FBXL15: variants seen among roughly 807,000 people sequenced by gnomAD.
FBXL15 encodes the protein F-box/LRR-repeat protein 15.
Under a neutral mutation model 23.6 loss-of-function variants are expected in FBXL15, and 19 were observed. The observed-to-expected ratio is 0.81, with a 90% CI of 0.56 to 1.18. The LOEUF (loss-of-function observed/expected upper bound fraction) is 1.18. Among genes scored for constraint, FBXL15 ranks in the 50% most tolerant of loss-of-function variants. The pLI is 0.00. For synonymous variants in FBXL15, 224 were observed against 207.7 expected (o/e 1.08, Z -0.67); for missense variants, 385 against 425.4 (o/e 0.91, Z 0.83).
chr10:102,421,831 G>A lies in FBXL15; in HGVS notation c.252G>A (p.Arg84=). 1 of 1,581,102 alleles carries A rather than the reference G, an allele frequency of 6.3e-7. No individual in the cohort carries two copies. The highest frequency in any genetic ancestry group is 1.3e-5 in the African/African-American group (1 of 74,878). ...IPRAALARLL[R]DAEGLQELAL... ...GGGCCGCATTGGCCCGGCTGCTGCGGGATGCCGAGGGGCTGCAGGAGCTGG... is the reference window on the plus strand; with the variant it reads ...GGGCCGCATTGGCCCGGCTGCTGCGAGATGCCGAGGGGCTGCAGGAGCTGG... The change falls in exon 3 of 4, where the codon CGG becomes CGA. Residue 84 remains arginine (R), a synonymous_variant. Transcript: ENST00000369956.
Position 102,421,436 on chromosome 10 carries a change from C to T in FBXL15, c.136C>T (p.Arg46Cys). ...VPLRQLLRLQ[R>C]VSRAFRSLVQ... The stretch of plus-strand genomic sequence containing the variant: ...GCTGCGCCAGCTGCTCCGGCTGCAG[C>T]GCGTTAGCCGGGCCTTCCGGTCGCT... Residue 46 changes from arginine to cysteine, a missense_variant, in exon 2 of 4, where the codon CGC (arginine) becomes TGC (cysteine). Physicochemically the swap from Arg to Cys is radical, Grantham distance 180 (BLOSUM62 -3). This residue lies in a region of FBXL15 where 130 missense variants were observed against 95.1 expected (regional missense o/e 1.37). Transcript: ENST00000369956. 1.9e-6 allele frequency: 3 copies of T among 1,549,788 alleles called. No homozygotes were observed. The highest frequency in any genetic ancestry group is 2.6e-6 in the Non-Finnish European group (3 of 1,150,072).
Position 102,420,949 on chromosome 10 carries a change from A to T in FBXL15, c.-181A>T, listed in dbSNP as rs566242297. ...AGCCGAGAAGGCGAGGCCTAATGTT[A>T]CACCACCGGTCTGTTCCGCCTCCGT... On this transcript the variant is annotated 5_prime_UTR_variant, in exon 1 of 4. Transcript: ENST00000369956. 5 of 1,479,398 alleles carry T rather than the reference A, an allele frequency of 3.4e-6. No individual in the cohort carries two copies. The East Asian group carries it at 1.2e-4, about 37-fold the overall frequency. 91.6% of individuals were successfully genotyped at this position (1,479,398 alleles called of 1,614,324 possible). A position where few individuals can be genotyped will look rare whatever the true frequency, so the allele number is the denominator to read the frequency against.
Position 102,421,041 on chromosome 10 carries a change from T to C in FBXL15, c.-89T>C, listed in dbSNP as rs1438562326. 6.4e-7 allele frequency: 1 copy of C among 1,552,524 alleles called. No individual in the cohort carries two copies. Among genetic ancestry groups the C allele is most frequent in the Admixed American group, 2.0e-5 (1 of 50,808 alleles). The stretch of plus-strand genomic sequence containing the variant: ...GAGACGGCACTCGATTAAATAGGTC[T>C]GTCTCTACAGGCCAAGGAGGCGGGT... On this transcript the variant is annotated 5_prime_UTR_variant, in exon 1 of 4. Transcript: ENST00000369956.
In FBXL15 at chr10:102,421,857, C is replaced by T; in HGVS notation, c.278C>T (p.Ala93Val). 1 of 1,599,004 alleles carries T rather than the reference C, an allele frequency of 6.3e-7. No individual in the cohort carries two copies. Among genetic ancestry groups the T allele is most frequent in the Non-Finnish European group, 8.5e-7 (1 of 1,177,104 alleles). The change falls in exon 3 of 4, where the codon GCA becomes GTA. Residue 93 changes from alanine to valine, a missense_variant. Ala to Val is a moderately conservative substitution (Grantham distance 64). Coordinates refer to ENST00000369956, the MANE Select transcript of FBXL15 (RefSeq NM_024326.4). Reference sequence around the variant, plus strand: ...GATGCCGAGGGGCTGCAGGAGCTGGCACTGGCGCCGTGTCACGAATGGCTG... The same window carrying T: ...GATGCCGAGGGGCTGCAGGAGCTGGTACTGGCGCCGTGTCACGAATGGCTG... ...LRDAEGLQEL[A>V]LAPCHEWLSD...
intron 2 of FBXL15, 125 bp downstream of exon 2, chr10:102,421,632 G>A: frequency 4.2e-6 from 6 of 1,417,580 alleles, no homozygotes; most frequent in Non-Finnish European, 3.7e-6. Context: ...AGGGATCCAC[G>A]CACCAAAGGG....
rs571343954 is a variant in FBXL15 at position 102,421,605 on chromosome 10, C to T, written c.207+98C>T. The T allele has an allele frequency of 3.9e-5, 56 of 1,421,802 alleles. No individual in the cohort carries two copies. In the South Asian group the frequency reaches 7.6e-4, roughly 19 times the overall value. The allele number at this position is 1,421,802 out of a possible 1,614,324, so 88.1% of individuals were successfully genotyped here. A position where few individuals can be genotyped will look rare whatever the true frequency, so the allele number is the denominator to read the frequency against. ...TATGCCCTTCTGGACCCCCTTGGGC[C>T]GCCGGGGCTGCCCGGAAGGGATCCA... is the stretch of plus-strand genomic sequence containing the variant. On this transcript the variant is annotated intron_variant, in intron 2 of 3. Transcript: ENST00000369956.
rs2061569370 is a variant in FBXL15, at chr10:102,421,880, C to T, written c.301C>T (p.Leu101=). 1.9e-6 allele frequency: 3 copies of T among 1,605,294 alleles called. No homozygotes were observed. The African/African-American group carries it at 4.0e-5, about 21-fold the overall frequency. Residue 101 remains leucine, a synonymous_variant, in exon 3 of 4, where the codon CTG becomes TTG. Transcript: ENST00000369956. The part of the protein sequence containing the change: ...ELALAPCHEW[L]SDEDLVPVLA... ...GGCACTGGCGCCGTGTCACGAATGG[C>T]TGTCAGACGAGGACCTGGTGCCGGT...
chr10:102,421,156 AG>A lies in FBXL15; in HGVS notation c.31del (p.Glu11SerfsTer23). On this transcript the variant is annotated frameshift_variant, in exon 1 of 4. Coordinates refer to ENST00000369956, the MANE Select transcript of FBXL15 (RefSeq NM_024326.4). LOFTEE classifies it high-confidence loss of function. ...TGGAGCCACCGATGGAGCCGTCCGG[AG>A]GGGAGCAAGAGCCCGGAGCCGTCAG... MEPPMEPSG[G>X]EQEPGAVRFL... is the part of the protein sequence containing the mutation. The A allele has an allele frequency of 6.2e-7, 1 of 1,611,028 alleles. No homozygotes were observed. Among genetic ancestry groups the A allele is most frequent in the Non-Finnish European group, 8.5e-7 (1 of 1,178,690 alleles).
At position 102,423,050 on chromosome 10, in the gene FBXL15, G is replaced by T; in HGVS notation, c.*57G>T. ...TGTGGCTGGGGCCTGACACTGAGCT[G>T]TAGGGAAACTGAACTGTGAGGACCT... On this transcript the variant is annotated 3_prime_UTR_variant, in exon 4 of 4. Coordinates refer to ENST00000369956, the MANE Select transcript of FBXL15 (RefSeq NM_024326.4). The surrounding 1 kb of genome is among the most constrained non-coding windows in gnomAD (Gnocchi z 5.6). The T allele has an allele frequency of 6.8e-7, 1 of 1,465,922 alleles. No homozygotes were observed. 90.8% of individuals were successfully genotyped at this position (1,465,922 alleles called of 1,614,324 possible).
In FBXL15 at chr10:102,421,883, T is replaced by A; in HGVS notation, c.304T>A (p.Ser102Thr). Residue 102 changes from serine to threonine, a missense_variant, in exon 3 of 4, where the codon TCA becomes ACA. Ser to Thr is a moderately conservative substitution (Grantham distance 58). This residue lies in a region of FBXL15 where 255 missense variants were observed against 330.2 expected (regional missense o/e 0.77). Transcript: ENST00000369956. ...ACTGGCGCCGTGTCACGAATGGCTG[T>A]CAGACGAGGACCTGGTGCCGGTGCT... The part of the protein sequence containing the change: ...LALAPCHEWL[S>T]DEDLVPVLAR... The A allele has an allele frequency of 6.2e-7, 1 of 1,605,644 alleles. No individual in the cohort carries two copies.
chr10:102,420,952 C>T lies in FBXL15; in HGVS notation c.-178C>T. 1 of 1,490,680 alleles carries T rather than the reference C, an allele frequency of 6.7e-7. No homozygotes were observed. The highest frequency in any genetic ancestry group is 1.3e-5 in the South Asian group (1 of 74,184). 92.3% of individuals were successfully genotyped at this position (1,490,680 alleles called of 1,614,324 possible). On this transcript the variant is annotated 5_prime_UTR_variant, in exon 1 of 4. Transcript: ENST00000369956. ...CGAGAAGGCGAGGCCTAATGTTACA[C>T]CACCGGTCTGTTCCGCCTCCGTTTC...
rs778208481 is a variant in FBXL15, at chr10:102,422,285, G to A, written c.706G>A (p.Gly236Ser). 7.8e-5 allele frequency: 117 copies of A among 1,497,206 alleles called. No homozygotes were observed. 92.7% of individuals were successfully genotyped at this position (1,497,206 alleles called of 1,614,324 possible). A position where few individuals can be genotyped will look rare whatever the true frequency, so the allele number is the denominator to read the frequency against. Residue 236 changes from glycine (G) to serine (S), a missense_variant, in exon 3 of 4, where the codon GGT (glycine) becomes AGT (serine). By Grantham distance (56) the Gly-to-Ser change is moderately conservative. Transcript: ENST00000369956. ...LTGCLRVGSD[G>S]VRTLAEYCPV... ...CGGCTGCCTCCGCGTCGGAAGCGAC[G>A]GTGTCAGGTGCCTGGGCCTGATAGG...
intron 1 of FBXL15, 27 bp downstream of exon 1, chr10:102,421,209 G>A: frequency 1.9e-6 from 3 of 1,602,048 alleles, no homozygotes; most frequent in East Asian, 4.5e-5. Flanking sequence ...GGGCCGAGAG[G>A]GAAGAGGAAC....
Position 102,420,996 on chromosome 10 carries a change from T to G in FBXL15, c.-134T>G, listed in dbSNP as rs1007342241. 6.5e-7 allele frequency: 1 copy of G among 1,539,634 alleles called. No individual in the cohort carries two copies. Among genetic ancestry groups the G allele is most frequent in the Non-Finnish European group, 8.8e-7 (1 of 1,140,858 alleles). On this transcript the variant is annotated 5_prime_UTR_variant, in exon 1 of 4. Coordinates refer to ENST00000369956, the MANE Select transcript of FBXL15 (RefSeq NM_024326.4). ...CCGTTTCGGGGTCCACCCGAAAAGC[T>G]TTCAGATCGGATCCTCGGTGAGACG...
rs757521199 is a variant in FBXL15, at chr10:102,422,908, T to C, written c.818T>C (p.Ile273Thr). The C allele has an allele frequency of 4.4e-6, 7 of 1,608,206 alleles. No homozygotes were observed. In the East Asian group the frequency reaches 1.6e-4, roughly 36 times the overall value. The stretch of plus-strand genomic sequence containing the variant: ...CGCTTGCGGAAGCGCGGCGTGGACA[T>C]CGACGTGGAGCCGCCGCTGCACCAG... ...LSRLRKRGVD[I>T]DVEPPLHQAL... is the part of the protein sequence containing the mutation. The change falls in exon 4 of 4, where the codon ATC becomes ACC. Residue 273 changes from isoleucine to threonine, a missense_variant. Physicochemically the swap from Ile to Thr is moderately conservative, Grantham distance 89. This residue lies in a region of FBXL15 where 255 missense variants were observed against 330.2 expected (regional missense o/e 0.77). Transcript: ENST00000369956.
Position 102,421,450 on chromosome 10 carries a change from C to T in FBXL15, c.150C>T (p.Ala50=), listed in dbSNP as rs943236099. 21 of 1,535,568 alleles carry T rather than the reference C, an allele frequency of 1.4e-5. No individual in the cohort carries two copies. The highest frequency in any genetic ancestry group is 9.8e-5 in the East Asian group (4 of 40,900). Residue 50 remains alanine, a synonymous_variant, in exon 2 of 4, where the codon GCC becomes GCT. Transcript: ENST00000369956. ...TCCGGCTGCAGCGCGTTAGCCGGGC[C>T]TTCCGGTCGCTGGTGCAGCTTCACC... ...QLLRLQRVSR[A]FRSLVQLHLA...
chr10:102,421,333 C>A, intron 1 of FBXL15, 21 bp from the exon 2 acceptor site: 1 of 1,553,074 alleles, frequency 6.4e-7, no homozygotes, highest in Non-Finnish European at 8.7e-7. Flanking sequence ...GACGCCAGTG[C>A]CAACGCCCCT....
rs745918882 is a variant in FBXL15 at position 102,422,916 on chromosome 10, G to C, written c.826G>C (p.Glu276Gln). The C allele has an allele frequency of 1.2e-6, 2 of 1,607,630 alleles. No individual in the cohort carries two copies. The highest frequency in any genetic ancestry group is 1.7e-6 in the Non-Finnish European group (2 of 1,177,824). ...GAAGCGCGGCGTGGACATCGACGTG[G>C]AGCCGCCGCTGCACCAGGCCCTGGT... ...LRKRGVDIDV[E>Q]PPLHQALVLL... Residue 276 changes from glutamate to glutamine, a missense_variant, in exon 4 of 4, where the codon GAG (glutamate) becomes CAG (glutamine). Physicochemically the swap from Glu to Gln is conservative, Grantham distance 29. This residue lies in a region of FBXL15 where 255 missense variants were observed against 330.2 expected (regional missense o/e 0.77). Coordinates refer to ENST00000369956, the MANE Select transcript of FBXL15 (RefSeq NM_024326.4).
In FBXL15 at chr10:102,420,967, G is replaced by A. The variant is rs897743571; in HGVS notation, c.-163G>A. 5 of 1,513,714 alleles carry A rather than the reference G, an allele frequency of 3.3e-6. No homozygotes were observed. Among genetic ancestry groups the A allele is most frequent in the Non-Finnish European group, 4.4e-6 (5 of 1,127,860 alleles). The allele number at this position is 1,513,714 out of a possible 1,614,324, so 93.8% of individuals were successfully genotyped here. On this transcript the variant is annotated 5_prime_UTR_variant, in exon 1 of 4. Coordinates refer to ENST00000369956, the MANE Select transcript of FBXL15 (RefSeq NM_024326.4). ...TAATGTTACACCACCGGTCTGTTCCGCCTCCGTTTCGGGGTCCACCCGAAA... is the reference window on the plus strand; with the variant it reads ...TAATGTTACACCACCGGTCTGTTCCACCTCCGTTTCGGGGTCCACCCGAAA...
Sources: allele counts gnomAD v4.1 joint callset, GRCh38; gene constraint gnomAD v4.1.1; regional missense constraint gnomAD v4.1.1; non-coding constraint Gnocchi (gnomAD v3.1); transcripts MANE v1.5; gene names NCBI Gene and HGNC (gene_info 2026-07-23, HGNC 2026-07-21).